OTUD7A: variants seen among roughly 807,000 people sequenced by gnomAD.
The protein encoded by OTUD7A is OTU domain-containing protein 7A.
OTUD7A carries 12 observed loss-of-function variants against 65.7 expected under a neutral mutation model. That is an observed-to-expected ratio of 0.18 (90% confidence interval 0.12 to 0.30). The LOEUF (loss-of-function observed/expected upper bound fraction) is 0.30, where lower values mean the gene tolerates loss of function less well. Ranked by LOEUF, OTUD7A falls within the 10% of genes least tolerant of loss-of-function variation. OTUD7A has a pLI of 1.00. For missense variants in OTUD7A, 1,148 were observed against 1,304.8 expected (o/e 0.88, Z 1.85); for synonymous variants, 641 against 586.3 (o/e 1.09, Z -1.35).
chr15:31,634,785 G>C (rs1215267704), intron 3 of OTUD7A, among the ~76,000 whole-genome samples: 2 of 152,238 alleles, frequency 1.3e-5, no homozygotes, highest in Non-Finnish European at 2.9e-5. Context: ...GGCTTCCCCA[G>C]TGTCCTCGCC....
At chr15:31,510,540 T>TATAC (rs1488071153) in intron 8 of OTUD7A, among the ~76,000 whole-genome samples, 36 of 136,688 alleles carry the variant, frequency 2.6e-4, no homozygotes, top group African/African-American at 9.2e-4. Flanking sequence ...AACATACATA[T>TATAC]GTATATCTAT....
chr15:31,645,547 C>T (rs979975256), intron 3 of OTUD7A, among the ~76,000 whole-genome samples: 3 of 152,152 alleles, frequency 2.0e-5, no homozygotes, highest in Non-Finnish European at 2.9e-5. Context: ...TTCATCCATC[C>T]ACGTCAGTAT....
At chr15:31,848,276 T>C (rs144770065) in intron 1 of OTUD7A, among the ~76,000 whole-genome samples, 66 of 152,100 alleles carry the variant, frequency 4.3e-4, no homozygotes, top group African/African-American at 1.6e-3. Flanking sequence ...AAGGCCCTGC[T>C]GGGCACGCAG....
chr15:31,568,583 T>A (rs1473429089), intron 4 of OTUD7A, among the ~76,000 whole-genome samples: 1 of 152,226 alleles, frequency 6.6e-6, no homozygotes, highest in Non-Finnish European at 1.5e-5. Context: ...GAGAAGGACA[T>A]GAGATTTGGG....
intron 3 of OTUD7A, among the ~76,000 whole-genome samples, chr15:31,632,787 CGG>C (rs1891214489): frequency 7.4e-6 from 1 of 135,582 alleles, no homozygotes; most frequent in East Asian, 2.1e-4. Flanking sequence ...TCGAGCTTCC[CGG>C]CTGCTTTGTT....
At chr15:31,488,716 C>T (rs1273986032) in intron 10 of OTUD7A, among the ~76,000 whole-genome samples, 2 of 152,208 alleles carry the variant, frequency 1.3e-5, no homozygotes, top group African/African-American at 4.8e-5. Flanking sequence ...AGACTGAACA[C>T]CAATAGTTGA....
intron 1 of OTUD7A, among the ~76,000 whole-genome samples, chr15:31,787,168 G>A (rs562286562): frequency 2.6e-5 from 4 of 152,272 alleles, no homozygotes; most frequent in African/African-American, 7.2e-5. Context: ...GCTAGACACT[G>A]TTTTTCTGAA....
intron 1 of OTUD7A, among the ~76,000 whole-genome samples, chr15:31,684,274 GAGAA>G (rs1198232857): frequency 6.6e-6 from 1 of 152,082 alleles, no homozygotes; most frequent in East Asian, 1.9e-4. Context: ...AGAGAAGCAG[GAGAA>G]AGGAGATGGG....
At chr15:31,684,318 G>C (rs1892787244) in intron 1 of OTUD7A, among the ~76,000 whole-genome samples, 2 of 152,132 alleles carry the variant, frequency 1.3e-5, no homozygotes, top group Non-Finnish European at 2.9e-5. Context: ...ACACAGCTCT[G>C]CTGAGAAGCA....
chr15:31,672,802 C>T (rs2625815), intron 1 of OTUD7A, among the ~76,000 whole-genome samples: 8,582 of 152,122 alleles, frequency 0.056, 826 homozygotes, highest in African/African-American at 0.2. Context: ...TTGTACCTTC[C>T]CATAGTTTTC....
At chr15:31,622,128 G>A (rs1048789750) in intron 3 of OTUD7A, among the ~76,000 whole-genome samples, 2 of 152,220 alleles carry the variant, frequency 1.3e-5, no homozygotes, top group African/African-American at 4.8e-5. Flanking sequence ...TCTGCCGAGA[G>A]ATCAGCTGTT....
At chr15:31,617,307 T>C (rs1890620406) in intron 3 of OTUD7A, among the ~76,000 whole-genome samples, 1 of 152,038 alleles carries the variant, frequency 6.6e-6, no homozygotes, top group African/African-American at 2.4e-5. Flanking sequence ...ACCAACATGG[T>C]GAAACCCCGT....
At chr15:31,704,406 T>C (rs571853247) in intron 1 of OTUD7A, among the ~76,000 whole-genome samples, 4 of 115,490 alleles carry the variant, frequency 3.5e-5, no homozygotes, top group Admixed American at 2.1e-4. Context: ...CACTTTTTTT[T>C]TTTATCTTAC....
At chr15:31,574,828 C>T (rs1889156369) in intron 3 of OTUD7A, among the ~76,000 whole-genome samples, 1 of 152,154 alleles carries the variant, frequency 6.6e-6, no homozygotes, top group Admixed American at 6.5e-5. Flanking sequence ...GACCCCTCAA[C>T]CACAGCCTTT....
intron 8 of OTUD7A, among the ~76,000 whole-genome samples, chr15:31,524,895 C>T (rs182548089): frequency 1.1e-4 from 17 of 152,322 alleles, no homozygotes; most frequent in Non-Finnish European, 1.6e-4. Flanking sequence ...CTGAATCCCT[C>T]GGGCCCCAGG....
At chr15:31,731,269 C>G (rs528245314) in intron 1 of OTUD7A, among the ~76,000 whole-genome samples, 15 of 152,242 alleles carry the variant, frequency 9.9e-5, no homozygotes, top group African/African-American at 3.6e-4. Context: ...GATAAGAACG[C>G]AGATGTTTAC....
At chr15:31,850,229 C>A (rs1252117718) in intron 1 of OTUD7A, among the ~76,000 whole-genome samples, 1 of 152,112 alleles carries the variant, frequency 6.6e-6, no homozygotes, top group East Asian at 1.9e-4. Flanking sequence ...ACTATGCAGC[C>A]ATAAAAAAGG....
At chr15:31,618,228 T>G (rs1399113586) in intron 3 of OTUD7A, among the ~76,000 whole-genome samples, 2 of 152,152 alleles carry the variant, frequency 1.3e-5, no homozygotes, top group Admixed American at 6.5e-5. Context: ...GAATAGTGCC[T>G]CAATAAACAT....
intron 5 of OTUD7A, among the ~76,000 whole-genome samples, chr15:31,534,974 T>C (rs948547919): frequency 1.3e-5 from 2 of 152,210 alleles, no homozygotes; most frequent in Non-Finnish European, 2.9e-5. Context: ...ACCTGTGCTG[T>C]TCAAGAGTCA....
Sources: allele counts gnomAD v4.1 joint callset (sites outside exome capture counted in the v4.1 genomes callset), GRCh38; gene constraint gnomAD v4.1.1; transcripts MANE v1.5; gene names NCBI Gene and HGNC (gene_info 2026-07-23, HGNC 2026-07-21).